Variants in CPEB4 observed in about 807,000 individuals in gnomAD.
CPEB4 encodes cytoplasmic polyadenylation element-binding protein 4.
A neutral mutation model predicts 72.5 loss-of-function variants in CPEB4; 12 were observed. The ratio of observed to expected loss-of-function variants is 0.17; its 90% CI spans 0.11 to 0.27. CPEB4 has a LOEUF of 0.27. CPEB4 is among the 10% of genes least tolerant of loss of function. The probability of loss-of-function intolerance (pLI) is 1.00; values close to 1 mark genes in which losing one functional copy is unlikely to be tolerated. For missense variants in CPEB4, 614 were observed against 908.5 expected (o/e 0.68, Z 4.17); for synonymous variants, 302 against 326.3 (o/e 0.93, Z 0.80).
chr5:173,939,649 T>A (rs1306722884), intron 3 of CPEB4, among the ~76,000 whole-genome samples: 1 of 152,136 alleles, frequency 6.6e-6, no homozygotes, highest in Non-Finnish European at 1.5e-5. Flanking sequence ...AAAGGAAGCA[T>A]TTGTAAGCAA....
chr5:173,948,133 G>A (rs1205450064), intron 5 of CPEB4, among the ~76,000 whole-genome samples: 2 of 152,116 alleles, frequency 1.3e-5, no homozygotes, highest in Non-Finnish European at 1.5e-5. Flanking sequence ...AAATCAATGG[G>A]ACAGATGGAA....
intron 2 of CPEB4, among the ~76,000 whole-genome samples, chr5:173,911,681 GTT>G (rs67673139): frequency 0.032 from 3,626 of 113,768 alleles, 131 homozygotes; most frequent in African/African-American, 0.093. Context: ...TAGAAAGCAG[GTT>G]TTTTTTTTTT....
At chr5:173,947,104 T>G (rs1758046557) in intron 5 of CPEB4, among the ~76,000 whole-genome samples, 1 of 152,186 alleles carries the variant, frequency 6.6e-6, no homozygotes, top group African/African-American at 2.4e-5. Flanking sequence ...TCCTCATCTT[T>G]CTTTTCTGTT....
At chr5:173,940,901 A>G (rs539666643) in intron 3 of CPEB4, among the ~76,000 whole-genome samples, 185 of 152,302 alleles carry the variant, frequency 1.2e-3, no homozygotes, top group African/African-American at 4.3e-3. Context: ...TTAACCATGA[A>G]TTATTTTATA....
At chr5:173,890,919 A>C in intron 1 of CPEB4, 61 bp downstream of exon 1, 1 of 1,483,294 alleles carries the variant, frequency 6.7e-7, no homozygotes, top group Non-Finnish European at 9.1e-7. Context: ...TGTAATATCT[A>C]TGTAACTAGA....
In CPEB4 at chr5:173,890,097, A is replaced by G. The variant is rs1755750746; in HGVS notation, c.364A>G (p.Asn122Asp). ...AAAATCAGAAGAAAATCAAGGGGAC[A>G]ATTCTTCGGAAAATGGCAATGGGAA... Reference protein sequence around the residue: ...KAKSEENQGDNSSENGNGKEK... With the variant: ...KAKSEENQGDDSSENGNGKEK... The change falls in exon 1 of 10, where the codon AAT (asparagine) becomes GAT (aspartate). Residue 122 changes from asparagine to aspartate, a missense_variant. Coordinates refer to ENST00000265085, the MANE Select transcript of CPEB4 (RefSeq NM_030627.4). 1 of 1,614,072 alleles carries G rather than the reference A, an allele frequency of 6.2e-7. No individual in the cohort carries two copies. The highest frequency in any genetic ancestry group is 1.7e-5 in the Admixed American group (1 of 60,010).
rs1291578194 is a variant in CPEB4, at chr5:173,959,464, G to A, written c.*3327G>A. 2.0e-5 allele frequency: 3 copies of A among 152,712 alleles called. No individual in the cohort carries two copies. The East Asian group carries it at 5.6e-4, about 29-fold the overall frequency. 9.5% of individuals were successfully genotyped at this position (152,712 alleles called of 1,614,324 possible). A position where few individuals can be genotyped will look rare whatever the true frequency, so the allele number is the denominator to read the frequency against. Reference sequence around the variant, plus strand: ...TTCACCCCTTTTGTTTTGAAGAGTTGAATCTTCTGTTAAAAGGTGATTTAA... The same window carrying A: ...TTCACCCCTTTTGTTTTGAAGAGTTAAATCTTCTGTTAAAAGGTGATTTAA... On this transcript the variant is annotated 3_prime_UTR_variant, in exon 10 of 10. Transcript: ENST00000265085.
chr5:173,902,686 G>T (rs1202786368), intron 1 of CPEB4, among the ~76,000 whole-genome samples: 2 of 152,140 alleles, frequency 1.3e-5, no homozygotes, highest in Admixed American at 6.6e-5. Flanking sequence ...AAATATTTTT[G>T]AGAGAAATTT....
At chr5:173,926,545 T>C (rs1351129173) in intron 2 of CPEB4, among the ~76,000 whole-genome samples, 1 of 151,828 alleles carries the variant, frequency 6.6e-6, no homozygotes, top group Non-Finnish European at 1.5e-5. Context: ...ATCTGTTGCC[T>C]ATATTTGGCT....
Position 173,888,407 on chromosome 5 carries a change from A to AGGCGGTGGCGGC in CPEB4, c.-1321_-1310dup. 4.4e-6 allele frequency: 2 copies of AGGCGGTGGCGGC among 451,830 alleles called. No homozygotes were observed. The highest frequency in any genetic ancestry group is 7.6e-6 in the Non-Finnish European group (2 of 262,208). The allele number at this position is 451,830 out of a possible 1,614,324, so 28.0% of individuals were successfully genotyped here. A position where few individuals can be genotyped will look rare whatever the true frequency, so the allele number is the denominator to read the frequency against. On this transcript the variant is annotated 5_prime_UTR_variant, in exon 1 of 10. Coordinates refer to ENST00000265085, the MANE Select transcript of CPEB4 (RefSeq NM_030627.4). This position sits in a 1 kb window ranked among gnomAD's most constrained non-coding sequence, Gnocchi z 4.3. ...GCGGCTGCGGGACCCGGGCACCGGG[A>AGGCGGTGGCGGC]GGCGGTGGCGGCGGCGGCGGCGGCA...
chr5:173,961,094 G>A lies in CPEB4; in HGVS notation c.*4957G>A, dbSNP rs11948757. 0.3 allele frequency: 44,981 copies of A among 151,994 alleles called. 7,019 individuals are homozygous for A. Among genetic ancestry groups the A allele is most frequent in the South Asian group, 0.47 (2,277 of 4,816 alleles). The allele number at this position is 151,994 out of a possible 1,614,324, so 9.4% of individuals were successfully genotyped here. On this transcript the variant is annotated 3_prime_UTR_variant, in exon 10 of 10. Transcript: ENST00000265085. ...AGAAATGGACTATGAGATCTTTTGC[G>A]TCTAAGTTGTCTTTCCCAACAGGCA... is the stretch of plus-strand genomic sequence containing the variant.
intron 1 of CPEB4, among the ~76,000 whole-genome samples, chr5:173,893,606 T>A (rs1022587474): frequency 1.3e-5 from 2 of 152,176 alleles, no homozygotes; most frequent in African/African-American, 4.8e-5. Context: ...TCCTTAGGCG[T>A]GATAGAGAGA....
At chr5:173,907,662 T>C (rs1312124267) in intron 1 of CPEB4, among the ~76,000 whole-genome samples, 1 of 152,260 alleles carries the variant, frequency 6.6e-6, no homozygotes, top group African/African-American at 2.4e-5. Context: ...ATTCATTGAT[T>C]TAGCAAACAT....
Position 173,943,179 on chromosome 5 carries a change from G to A in CPEB4, c.1282+130G>A. On this transcript the variant is annotated intron_variant, in intron 4 of 9. Transcript: ENST00000265085. ...TAGCTTTGATCCTTAGGTAATTTTT[G>A]TGTTACAGTTAACATTTTAGACATA... 5.9e-6 allele frequency: 5 copies of A among 846,956 alleles called. No individual in the cohort carries two copies. In the South Asian group the frequency reaches 9.9e-5, roughly 17 times the overall value. 52.5% of individuals were successfully genotyped at this position (846,956 alleles called of 1,614,324 possible). A position where few individuals can be genotyped will look rare whatever the true frequency, so the allele number is the denominator to read the frequency against.
intron 1 of CPEB4, among the ~76,000 whole-genome samples, chr5:173,897,313 AAAG>A (rs1486387166): frequency 6.6e-6 from 1 of 152,246 alleles, no homozygotes; most frequent in East Asian, 1.9e-4. Context: ...TGCATACATT[AAAG>A]GAGACTACAT....
At position 173,926,976 on chromosome 5, in the gene CPEB4, C is replaced by CT. The variant is rs1030743318; in HGVS notation, c.1208-5473dup. Reference sequence around the variant, plus strand: ...TCAGCCTGGCCAACATGGTGAAACTCTGTCTCTACAAAAATACAAAAAAAA... The same window carrying CT: ...TCAGCCTGGCCAACATGGTGAAACTCTTGTCTCTACAAAAATACAAAAAAAA... On this transcript the variant is annotated intron_variant, in intron 2 of 9. Transcript: ENST00000265085. Among the ~76,000 whole-genome samples the CT allele has an allele frequency of 1.1e-3, 174 of 152,104 alleles. 1 individual carries two copies. The highest frequency in any genetic ancestry group is 4.1e-3 in the African/African-American group (170 of 41,488).
At chr5:173,930,058 T>C (rs1283619373) in intron 2 of CPEB4, among the ~76,000 whole-genome samples, 1 of 148,842 alleles carries the variant, frequency 6.7e-6, no homozygotes, top group Non-Finnish European at 1.5e-5. Flanking sequence ...CCTCCCAAGT[T>C]TTTTTTTTTT....
In CPEB4 at chr5:173,961,438, A is replaced by G. The variant is rs890180919; in HGVS notation, c.*5301A>G. 8 of 152,258 alleles carry G rather than the reference A, an allele frequency of 5.3e-5. No individual in the cohort carries two copies. The highest frequency in any genetic ancestry group is 2.1e-4 in the South Asian group (1 of 4,826). 9.4% of individuals were successfully genotyped at this position (152,258 alleles called of 1,614,324 possible). A position where few individuals can be genotyped will look rare whatever the true frequency, so the allele number is the denominator to read the frequency against. On this transcript the variant is annotated 3_prime_UTR_variant, in exon 10 of 10. Coordinates refer to ENST00000265085, the MANE Select transcript of CPEB4 (RefSeq NM_030627.4). ...TATAACAACTCTATCTTGAAATTAC[A>G]TAGGTGCATTGCTTTGGGTGTTTTA... is the stretch of plus-strand genomic sequence containing the variant.
chr5:173,891,553 C>G (rs576311687), intron 1 of CPEB4: 20 of 152,244 alleles, frequency 1.3e-4, no homozygotes, highest in Admixed American at 8.5e-4. Context: ...GCCTTTCACC[C>G]GTTTGTTTAT....
Sources: gnomAD v4.1 joint callset for allele counts (sites outside exome capture counted in the v4.1 genomes callset) on GRCh38, gnomAD v4.1.1 for gene constraint, Gnocchi (gnomAD v3.1) non-coding constraint, MANE v1.5 for transcripts, NCBI Gene and HGNC (gene_info 2026-07-23, HGNC 2026-07-21) for gene names.